Variants in SLIT3 observed in about 807,000 individuals in gnomAD.
SLIT3 encodes the protein slit homolog 3 protein.
SLIT3 carries 68 observed loss-of-function variants against 184.0 expected under a neutral mutation model. The observed-to-expected ratio is 0.37, with a 90% confidence interval of 0.30 to 0.45. The LOEUF (loss-of-function observed/expected upper bound fraction) is 0.45. Among genes scored for constraint, SLIT3 ranks in the 20% least tolerant of loss-of-function variants. The probability of loss-of-function intolerance (pLI) is 1.00; values close to 1 mark genes in which losing one functional copy is unlikely to be tolerated. For synonymous variants in SLIT3, 831 were observed against 828.6 expected (o/e 1.00, Z -0.05); for missense variants, 1,707 against 2,026.0 (o/e 0.84, Z 3.02).
chr5:169,201,274 T>C (rs1188095326), intron 3 of SLIT3, among the ~76,000 whole-genome samples: 1 of 152,254 alleles, frequency 6.6e-6, no homozygotes, highest in Admixed American at 6.5e-5. Flanking sequence ...AGAAAGAAGT[T>C]TGTGGTCATA....
chr5:169,188,495 A>G (rs900572264), intron 4 of SLIT3, among the ~76,000 whole-genome samples: 13 of 152,138 alleles, frequency 8.5e-5, no homozygotes, highest in African/African-American at 3.1e-4. Context: ...GCCAAGTAAC[A>G]TGCCCAGGGC....
chr5:169,227,848 G>A (rs941937697), intron 3 of SLIT3, among the ~76,000 whole-genome samples: 5 of 152,258 alleles, frequency 3.3e-5, no homozygotes, highest in Non-Finnish European at 4.4e-5. Flanking sequence ...GCTGGCAGAG[G>A]AGGAGCTGAG....
At chr5:168,773,638 G>C (rs1394192331) in intron 13 of SLIT3, among the ~76,000 whole-genome samples, 3 of 152,098 alleles carry the variant, frequency 2.0e-5, no homozygotes, top group Non-Finnish European at 4.4e-5. Flanking sequence ...CCTGAGACTG[G>C]AGCCATCAAA....
At chr5:169,164,923 G>T (rs1333556481) in intron 4 of SLIT3, among the ~76,000 whole-genome samples, 2 of 152,270 alleles carry the variant, frequency 1.3e-5, no homozygotes, top group East Asian at 3.8e-4. Context: ...GCCGTTGGAT[G>T]CCTGGGCTTC....
chr5:169,075,428 T>C (rs1304267230), intron 4 of SLIT3, among the ~76,000 whole-genome samples: 2 of 152,174 alleles, frequency 1.3e-5, no homozygotes, highest in African/African-American at 4.8e-5. Flanking sequence ...GGTGCTGTGG[T>C]GTCTGTGTCT....
intron 5 of SLIT3, among the ~76,000 whole-genome samples, chr5:168,870,962 G>A (rs1388055933): frequency 6.6e-6 from 1 of 152,176 alleles, no homozygotes; most frequent in Non-Finnish European, 1.5e-5. Flanking sequence ...GGTTTCCCAT[G>A]GCTGCTATAA....
chr5:169,165,375 G>A (rs552935029), intron 4 of SLIT3, among the ~76,000 whole-genome samples: 59 of 152,296 alleles, frequency 3.9e-4, no homozygotes, highest in African/African-American at 1.2e-3. Context: ...TCCTTTCTGC[G>A]TATCTTGAAA....
chr5:169,289,666 G>A (rs1393692179), intron 1 of SLIT3, among the ~76,000 whole-genome samples: 2 of 152,194 alleles, frequency 1.3e-5, no homozygotes, highest in East Asian at 1.9e-4. Flanking sequence ...GGTTCTGATG[G>A]TGACAGTCCA....
intron 4 of SLIT3, among the ~76,000 whole-genome samples, chr5:168,989,633 T>A (rs965470410): frequency 6.6e-6 from 1 of 152,144 alleles, no homozygotes; most frequent in Non-Finnish European, 1.5e-5. Flanking sequence ...TCCACCAGAA[T>A]GGAAAATGCA....
chr5:168,903,364 C>T (rs1760933454), intron 4 of SLIT3, among the ~76,000 whole-genome samples: 1 of 152,160 alleles, frequency 6.6e-6, no homozygotes, highest in South Asian at 2.1e-4. Context: ...TGTTCCAGCA[C>T]AGTTTTCCCT....
intron 4 of SLIT3, among the ~76,000 whole-genome samples, chr5:169,019,495 G>A (rs1261780946): frequency 2.0e-5 from 3 of 152,150 alleles, no homozygotes; most frequent in African/African-American, 7.2e-5. Flanking sequence ...GAAGAGTTAG[G>A]CTTACCTAGG....
At chr5:168,865,319 A>G (rs1759259970) in intron 5 of SLIT3, among the ~76,000 whole-genome samples, 3 of 152,172 alleles carry the variant, frequency 2.0e-5, no homozygotes, top group African/African-American at 7.2e-5. Context: ...GTAATAACCC[A>G]AATTTGGAAA....
chr5:169,292,959 G>A (rs939427340), intron 1 of SLIT3, among the ~76,000 whole-genome samples: 12 of 152,176 alleles, frequency 7.9e-5, no homozygotes, highest in Non-Finnish European at 2.9e-5. Flanking sequence ...TCTTTTGAAT[G>A]CGCTGGCTGA....
intron 4 of SLIT3, among the ~76,000 whole-genome samples, chr5:168,883,783 T>G (rs1251533394): frequency 6.6e-6 from 1 of 151,852 alleles, no homozygotes; most frequent in Non-Finnish European, 1.5e-5. Flanking sequence ...CAATCTGCCT[T>G]TGTCACAGGG....
At chr5:168,869,908 A>G (rs966731126) in intron 5 of SLIT3, among the ~76,000 whole-genome samples, 2 of 152,228 alleles carry the variant, frequency 1.3e-5, no homozygotes, top group African/African-American at 4.8e-5. Flanking sequence ...TTTAAAGGAG[A>G]ATGTTAACAA....
intron 3 of SLIT3, among the ~76,000 whole-genome samples, chr5:169,233,291 G>A (rs1323222444): frequency 6.6e-6 from 1 of 152,158 alleles, no homozygotes; most frequent in Non-Finnish European, 1.5e-5. Flanking sequence ...CCAAAGTGCT[G>A]GGATTATAGG....
At position 169,197,891 on chromosome 5, in the gene SLIT3, C is replaced by A. The variant is rs113561288; in HGVS notation, c.342-4341G>T. On this transcript the variant is annotated intron_variant, in intron 3 of 35. Transcript: ENST00000519560. Reference sequence around the variant, plus strand: ...GAATTGAGAAGCACTAAGAAATAGGCCCTTGTCTTTGTGGAACCACTAAAG... The same window carrying A: ...GAATTGAGAAGCACTAAGAAATAGGACCTTGTCTTTGTGGAACCACTAAAG... Among the ~76,000 whole-genome samples, 1,410 of 152,184 alleles carry A rather than the reference C, an allele frequency of 9.3e-3. 22 individuals are homozygous for A. The highest frequency in any genetic ancestry group is 0.032 in the African/African-American group (1,323 of 41,516).
chr5:168,828,535 C>T (rs181378152), intron 6 of SLIT3, among the ~76,000 whole-genome samples: 47 of 151,782 alleles, frequency 3.1e-4, no homozygotes, highest in Admixed American at 4.6e-4. Context: ...TGGTGAGCAA[C>T]GGCAGTCCCA....
At chr5:169,184,417 C>G (rs1310041211) in intron 4 of SLIT3, among the ~76,000 whole-genome samples, 1 of 152,222 alleles carries the variant, frequency 6.6e-6, no homozygotes. Context: ...CATAAAAACA[C>G]CTTTCATGCA....
Sources: gnomAD v4.1 joint callset for allele counts (sites outside exome capture counted in the v4.1 genomes callset) on GRCh38, gnomAD v4.1.1 for gene constraint, MANE v1.5 for transcripts, NCBI Gene and HGNC (gene_info 2026-07-23, HGNC 2026-07-21) for gene names.